Variants in LARS1 observed in about 807,000 individuals in gnomAD.
LARS1 encodes the protein leucyl-tRNA synthetase 1.
In LARS1, 100 loss-of-function variants were observed where a neutral mutation model predicts 162.8. The ratio of observed to expected loss-of-function variants is 0.61; its 90% CI spans 0.52 to 0.73. The LOEUF (loss-of-function observed/expected upper bound fraction) is 0.73, where lower values mean the gene tolerates loss of function less well. LARS1 is among the 30% of genes least tolerant of loss of function. LARS1 has a pLI of 0.00. For missense variants in LARS1, 1,258 were observed against 1,408.9 expected, an observed-to-expected ratio of 0.89 and a Z score of 1.71; for synonymous variants, 457 against 462.8, an observed-to-expected ratio of 0.99 and a Z score of 0.16.
intron 7 of LARS1, among the ~76,000 whole-genome samples, chr5:146,159,982 A>T (rs982146780): frequency 6.6e-6 from 1 of 152,100 alleles, no homozygotes; most frequent in African/African-American, 2.4e-5. Flanking sequence ...CTCCCTGGTT[A>T]TATCTGTCAT....
At chr5:146,121,290 A>G (rs1751808428) in intron 30 of LARS1, among the ~76,000 whole-genome samples, 1 of 152,102 alleles carries the variant, frequency 6.6e-6, no homozygotes, top group South Asian at 2.1e-4. Context: ...AAAGTAAAAA[A>G]ACATATCTAA....
intron 29 of LARS1, among the ~76,000 whole-genome samples, 177 bp downstream of exon 29, chr5:146,123,805 C>T (rs1751931794): frequency 6.6e-6 from 1 of 151,086 alleles, no homozygotes; most frequent in Admixed American, 6.6e-5. Flanking sequence ...ACTTTTTTTC[C>T]TGCAACTTTT....
chr5:146,156,779 GAAA>G (rs367757770), intron 10 of LARS1, among the ~76,000 whole-genome samples: 1 of 138,866 alleles, frequency 7.2e-6, no homozygotes, highest in Admixed American at 7.3e-5. Flanking sequence ...TTCTTCACAT[GAAA>G]AAAAAAAAAG....
intron 1 of LARS1, chr5:146,180,981 CT>C (rs1272045525): frequency 2.6e-5 from 4 of 152,234 alleles, no homozygotes; most frequent in African/African-American, 9.6e-5. Context: ...AAATCTCTTT[CT>C]TCCTATAGTT....
chr5:146,173,983 T>C (rs1280651052), intron 2 of LARS1, among the ~76,000 whole-genome samples: 4 of 152,026 alleles, frequency 2.6e-5, no homozygotes, highest in Non-Finnish European at 4.4e-5. Flanking sequence ...CATACACCTA[T>C]AGTTAATTCT....
chr5:146,144,373 T>A, intron 17 of LARS1, 24 bp from the exon 18 acceptor site: 1 of 1,604,840 alleles, frequency 6.2e-7, no homozygotes, highest in Non-Finnish European at 8.5e-7. Flanking sequence ...AAAGACAAAG[T>A]GTATCTTTAC....
chr5:146,152,479 C>T (rs1004027798), intron 13 of LARS1, among the ~76,000 whole-genome samples: 1 of 152,116 alleles, frequency 6.6e-6, no homozygotes, highest in Admixed American at 6.6e-5. Context: ...CATAGAAGCA[C>T]GAACCCTATT....
chr5:146,129,983 A>ATTTTTTTGATTTTGATTAATT, intron 25 of LARS1, 35 bp downstream of exon 25: 1 of 1,580,314 alleles, frequency 6.3e-7, no homozygotes, highest in Non-Finnish European at 8.6e-7. Context: ...GCCAAAATCA[A>ATTTTTTTGATTTTGATTAATT]AACCACTCGA....
At chr5:146,158,037 A>G in intron 8 of LARS1, among the ~76,000 whole-genome samples, 1 of 152,230 alleles carries the variant, frequency 6.6e-6, no homozygotes, top group African/African-American at 2.4e-5. Context: ...AGAAGACACA[A>G]TCAACCCTAA....
intron 27 of LARS1, 22 bp downstream of exon 27, chr5:146,128,650 A>G (rs931871610): frequency 2.7e-6 from 4 of 1,476,728 alleles, no homozygotes; most frequent in Non-Finnish European, 3.6e-6. Context: ...ATCAGGGGGG[A>G]AAAGTCTACT....
chr5:146,145,776 A>C (rs1231711388), intron 15 of LARS1, among the ~76,000 whole-genome samples: 1 of 152,222 alleles, frequency 6.6e-6, no homozygotes, highest in Non-Finnish European at 1.5e-5. Context: ...TAAAGATGGT[A>C]GATTAAAAAC....
Position 146,114,215 on chromosome 5 carries a change from A to G in LARS1, c.3422T>C (p.Ile1141Thr). 1.2e-6 allele frequency: 2 copies of G among 1,613,706 alleles called. No homozygotes were observed. Among genetic ancestry groups the G allele is most frequent in the African/African-American group, 1.3e-5 (1 of 74,882 alleles). The change falls in exon 32 of 32, where the codon ATT becomes ACT. Residue 1141 changes from isoleucine to threonine, a missense_variant. Coordinates refer to ENST00000394434, the MANE Select transcript of LARS1 (RefSeq NM_020117.11). ...CACATTGAAAACAGCATGCTCAGAA[A>G]TGGGGGTCTTCTCGGTGTACTCCTT... ...LGKEYTEKTP[I>T]SEHAVFNVDL... is the part of the protein sequence containing the mutation.
In LARS1 at chr5:146,113,848, A is replaced by AAAT. The variant is rs1764080769; in HGVS notation, c.*255_*257dup. On this transcript the variant is annotated 3_prime_UTR_variant, in exon 32 of 32. Transcript: ENST00000394434. ...ATCTTAAAAACCAGAAACTTCTAGG[A>AAAT]AATAGCAACAATTTGTTTTTTAAAA... 1 of 437,394 alleles carries AAAT rather than the reference A, an allele frequency of 2.3e-6. No homozygotes were observed. The highest frequency in any genetic ancestry group is 2.0e-5 in the African/African-American group (1 of 51,118). The allele number at this position is 437,394 out of a possible 1,614,324, so 27.1% of individuals were successfully genotyped here. A position where few individuals can be genotyped will look rare whatever the true frequency, so the allele number is the denominator to read the frequency against.
intron 22 of LARS1, among the ~76,000 whole-genome samples, chr5:146,134,545 T>C (rs1752426197): frequency 6.6e-6 from 1 of 152,214 alleles, no homozygotes; most frequent in Non-Finnish European, 1.5e-5. Context: ...TTCAGGATAG[T>C]GCATTTCTTC....
rs1479522824 is a variant in LARS1, at chr5:146,135,650, T to G, written c.2163A>C (p.Thr721=). The G allele has an allele frequency of 2.5e-6, 4 of 1,597,436 alleles. No individual in the cohort carries two copies. The highest frequency in any genetic ancestry group is 3.4e-6 in the Non-Finnish European group (4 of 1,175,144). ...LLNSEKMSKS[T]GNFLTLTQAI... ...CTTGGGTCAAAGTGAGGAAGTTGCC[T>G]GTGGATTTTGACATCTGAAATAGAG... Residue 721 remains threonine, a synonymous_variant, in exon 22 of 32, where the codon ACA becomes ACC. Coordinates refer to ENST00000394434, the MANE Select transcript of LARS1 (RefSeq NM_020117.11).
At chr5:146,175,857 A>G (rs1041334169) in intron 2 of LARS1, among the ~76,000 whole-genome samples, 10 of 151,852 alleles carry the variant, frequency 6.6e-5, no homozygotes, top group African/African-American at 2.4e-4. Context: ...AAAAAAAATT[A>G]AAAGGTAAAA....
rs1008980445 is a variant in LARS1 at position 146,113,237 on chromosome 5, G to T, written c.*869C>A. On this transcript the variant is annotated 3_prime_UTR_variant, in exon 32 of 32. Transcript: ENST00000394434. ...CCGCCACCATGCCAAGCTAATTTTT[G>T]TATTTTTAGTAGAGACGGGGTTTCA... The T allele has an allele frequency of 6.6e-6, 1 of 152,270 alleles. No homozygotes were observed. Among genetic ancestry groups the T allele is most frequent in the African/African-American group, 2.4e-5 (1 of 41,430 alleles). The allele number at this position is 152,270 out of a possible 1,614,324, so 9.4% of individuals were successfully genotyped here. A position where few individuals can be genotyped will look rare whatever the true frequency, so the allele number is the denominator to read the frequency against.
chr5:146,168,038 G>A, intron 5 of LARS1, 90 bp downstream of exon 5: 1 of 1,058,780 alleles, frequency 9.4e-7, no homozygotes, highest in Non-Finnish European at 1.3e-6. Context: ...TACATTTTAT[G>A]TGTTGGGCAC....
Position 146,157,636 on chromosome 5 carries a change from A to C in LARS1, c.840-8T>G, listed in dbSNP as rs767037740. ...TTTTTACCTTTCAGGCCACTGAGAA[A>C]AAAAAACAAATATTGATGTAAAAAC... On this transcript the variant is annotated splice_polypyrimidine_tract_variant and splice_region_variant and intron_variant, in intron 9 of 31. Coordinates refer to ENST00000394434, the MANE Select transcript of LARS1 (RefSeq NM_020117.11). 5.6e-6 allele frequency: 9 copies of C among 1,613,756 alleles called. No individual in the cohort carries two copies. The highest frequency in any genetic ancestry group is 6.8e-6 in the Non-Finnish European group (8 of 1,179,936).
Sources: allele counts gnomAD v4.1 joint callset (sites outside exome capture counted in the v4.1 genomes callset), GRCh38; gene constraint gnomAD v4.1.1; transcripts MANE v1.5; gene names NCBI Gene and HGNC (gene_info 2026-07-23, HGNC 2026-07-21).